RCAN2: variants seen among roughly 807,000 people sequenced by gnomAD.
RCAN2 encodes regulator of calcineurin 2.
RCAN2 carries 9 observed loss-of-function variants against 23.6 expected under a neutral mutation model. The observed-to-expected ratio is 0.38, with a 90% CI of 0.23 to 0.67. RCAN2 has a LOEUF of 0.67. Ranked by LOEUF, RCAN2 falls within the 30% of genes least tolerant of loss-of-function variation. The pLI is 0.51. For missense variants in RCAN2, 273 were observed against 302.3 expected (o/e 0.90, Z 0.72); for synonymous variants, 109 against 115.7 (o/e 0.94, Z 0.37).
intron 2 of RCAN2, among the ~76,000 whole-genome samples, chr6:46,255,403 G>C (rs1766873562): frequency 6.6e-6 from 1 of 152,118 alleles, no homozygotes; most frequent in South Asian, 2.1e-4. Flanking sequence ...TGAAAGAATG[G>C]GAAGATGTGA....
intron 2 of RCAN2, among the ~76,000 whole-genome samples, chr6:46,399,697 C>A (rs894826286): frequency 6.6e-6 from 1 of 151,834 alleles, no homozygotes; most frequent in Admixed American, 6.6e-5. Flanking sequence ...TGAGTTACTC[C>A]AATCTCTGCC....
At chr6:46,416,133 T>C (rs1267542645) in intron 2 of RCAN2, among the ~76,000 whole-genome samples, 1 of 152,152 alleles carries the variant, frequency 6.6e-6, no homozygotes, top group Non-Finnish European at 1.5e-5. Context: ...CCATGGATAC[T>C]GAGGGATAAC....
At chr6:46,237,439 C>T (rs113931872) in intron 4 of RCAN2, among the ~76,000 whole-genome samples, 14 of 152,286 alleles carry the variant, frequency 9.2e-5, no homozygotes, top group South Asian at 4.1e-4. Flanking sequence ...TCTCATATTA[C>T]GGGTGAATTC....
intron 2 of RCAN2, among the ~76,000 whole-genome samples, chr6:46,291,527 A>C (rs1413835883): frequency 6.6e-6 from 1 of 151,960 alleles, no homozygotes; most frequent in African/African-American, 2.4e-5. Context: ...CAGGGCTTTG[A>C]TTGGAAGCTC....
rs764267112 is a variant in RCAN2 at position 46,312,243 on chromosome 6, CAACTTCGGGAGTT to C, written c.226-63360_226-63348del. 8.2e-4 allele frequency among the ~76,000 whole-genome samples: 125 copies of C among 152,172 alleles called. 1 individual carries two copies. Among genetic ancestry groups the C allele is most frequent in the Non-Finnish European group, 1.2e-3 (80 of 68,030 alleles). The stretch of plus-strand genomic sequence containing the variant: ...TCTTTCTCCTAGCGTGGTATATGGT[CAACTTCGGGAGTT>C]TTAGCCCCTATGAAAATATTTTAGC... On this transcript the variant is annotated intron_variant, in intron 2 of 4. Transcript: ENST00000371374.
chr6:46,255,777 A>T (rs1332346140), intron 2 of RCAN2, among the ~76,000 whole-genome samples: 1 of 152,140 alleles, frequency 6.6e-6, no homozygotes, highest in Non-Finnish European at 1.5e-5. Context: ...CATAGACAGG[A>T]AGAAAAGAGT....
intron 2 of RCAN2, among the ~76,000 whole-genome samples, chr6:46,349,580 GAA>G (rs377751176): frequency 4.9e-5 from 7 of 141,440 alleles, no homozygotes; most frequent in African/African-American, 1.5e-4. Context: ...AGTAAAATTA[GAA>G]AAAAAAAAAA....
intron 3 of RCAN2, 28 bp downstream of exon 3, chr6:46,248,695 G>C (rs554279752): frequency 1.3e-6 from 2 of 1,532,474 alleles, no homozygotes; most frequent in South Asian, 2.5e-5. Flanking sequence ...AGGGCAAAAA[G>C]AATAACTTTG....
intron 2 of RCAN2, among the ~76,000 whole-genome samples, chr6:46,456,493 A>G (rs561418389): frequency 1.5e-4 from 23 of 152,336 alleles, no homozygotes; most frequent in Admixed American, 1.4e-3. Context: ...TATTAACACC[A>G]TTTGTTTTGC....
At chr6:46,482,794 G>A (rs1768898996) in intron 1 of RCAN2, among the ~76,000 whole-genome samples, 1 of 152,118 alleles carries the variant, frequency 6.6e-6, no homozygotes, top group African/African-American at 2.4e-5. Flanking sequence ...GCTAAATGAA[G>A]GGTAAAAAGC....
chr6:46,265,315 C>G (rs1424113414), intron 2 of RCAN2, among the ~76,000 whole-genome samples: 1 of 151,988 alleles, frequency 6.6e-6, no homozygotes, highest in East Asian at 1.9e-4. Context: ...GTGTTACAAA[C>G]AAAACTTCAG....
intron 2 of RCAN2, among the ~76,000 whole-genome samples, chr6:46,386,852 T>C (rs950116790): frequency 6.6e-6 from 1 of 152,086 alleles, no homozygotes; most frequent in African/African-American, 2.4e-5. Flanking sequence ...CTTCAAACTA[T>C]ACTACAAGGC....
At chr6:46,277,798 C>A (rs1393000576) in intron 2 of RCAN2, among the ~76,000 whole-genome samples, 1 of 151,978 alleles carries the variant, frequency 6.6e-6, no homozygotes, top group African/African-American at 2.4e-5. Flanking sequence ...TTTCTGTCTT[C>A]TTCAGTAGCT....
rs915992663 is a variant in RCAN2, at chr6:46,220,889, A to C, written c.*2252T>G. ...GATTTGCATAATGTGCGTCATGGAA[A>C]TGCTGAGGCGATTCTGACTTTCACA... On this transcript the variant is annotated 3_prime_UTR_variant, in exon 5 of 5. Transcript: ENST00000371374. 1 of 152,728 alleles carries C rather than the reference A, an allele frequency of 6.5e-6. No individual in the cohort carries two copies. Among genetic ancestry groups the C allele is most frequent in the African/African-American group, 2.4e-5 (1 of 41,450 alleles). The allele number at this position is 152,728 out of a possible 1,614,324, so 9.5% of individuals were successfully genotyped here.
intron 2 of RCAN2, among the ~76,000 whole-genome samples, chr6:46,408,284 G>A (rs1285903905): frequency 6.6e-6 from 1 of 152,144 alleles, no homozygotes; most frequent in African/African-American, 2.4e-5. Flanking sequence ...CCGATATGAG[G>A]CTAAACAGCT....
intron 2 of RCAN2, among the ~76,000 whole-genome samples, chr6:46,384,265 ATTTCCAGTGT>A (rs1765685638): frequency 6.6e-6 from 1 of 152,140 alleles, no homozygotes. Flanking sequence ...CTTTTAATTA[ATTTCCAGTGT>A]TAAATCCCTT....
intron 1 of RCAN2, among the ~76,000 whole-genome samples, chr6:46,461,516 G>A (rs1428488145): frequency 6.6e-6 from 1 of 151,980 alleles, no homozygotes; most frequent in Non-Finnish European, 1.5e-5. Flanking sequence ...AGAGCCCTAA[G>A]GGAATACCTT....
chr6:46,443,485 T>C (rs1050267138), intron 2 of RCAN2, among the ~76,000 whole-genome samples: 29 of 152,046 alleles, frequency 1.9e-4, no homozygotes, highest in Non-Finnish European at 2.9e-5. Context: ...CATAATAATA[T>C]AAATATTTAT....
intron 2 of RCAN2, among the ~76,000 whole-genome samples, chr6:46,335,006 C>T (rs1764096131): frequency 6.6e-6 from 1 of 152,158 alleles, no homozygotes; most frequent in Non-Finnish European, 1.5e-5. Flanking sequence ...GTTTGCTCAG[C>T]ATCCCTGTCT....
Sources: gnomAD v4.1 joint callset for allele counts (sites outside exome capture counted in the v4.1 genomes callset) on GRCh38, gnomAD v4.1.1 for gene constraint, MANE v1.5 for transcripts, NCBI Gene and HGNC (gene_info 2026-07-23, HGNC 2026-07-21) for gene names.